The following INPP4B variants were observed in gnomAD, a reference collection of about 807,000 sequenced individuals.
INPP4B encodes the protein inositol polyphosphate 4-phosphatase type II.
In INPP4B, 55 loss-of-function variants were observed where a neutral mutation model predicts 122.5. The observed-to-expected ratio is 0.45, with a 90% confidence interval of 0.36 to 0.56. The LOEUF is 0.56. Ranked by LOEUF, INPP4B falls within the 20% of genes least tolerant of loss-of-function variation. INPP4B has a pLI of 0.00. For missense variants in INPP4B, 1,000 were observed against 1,097.7 expected, an observed-to-expected ratio of 0.91 and a Z score of 1.26; for synonymous variants, 403 against 388.7, an observed-to-expected ratio of 1.04 and a Z score of -0.43.
At chr4:142,335,299 C>G (rs932307715) in intron 7 of INPP4B, among the ~76,000 whole-genome samples, 13 of 152,102 alleles carry the variant, frequency 8.5e-5, no homozygotes, top group African/African-American at 3.1e-4. Flanking sequence ...TTAACTGATT[C>G]CTAATATTTA....
At chr4:142,416,103 T>C (rs1805705626) in intron 5 of INPP4B, among the ~76,000 whole-genome samples, 1 of 152,084 alleles carries the variant, frequency 6.6e-6, no homozygotes, top group African/African-American at 2.4e-5. Flanking sequence ...TGTATACATA[T>C]GTAACTAACC....
intron 2 of INPP4B, among the ~76,000 whole-genome samples, chr4:142,545,704 T>TATATACAC (rs1560781735): frequency 1.1e-3 from 51 of 45,972 alleles, no homozygotes; most frequent in African/African-American, 2.3e-3. Flanking sequence ...TATGTGTATA[T>TATATACAC]ATATGTGTGT....
chr4:142,087,865 G>T (rs770812765), intron 23 of INPP4B, among the ~76,000 whole-genome samples: 1 of 151,714 alleles, frequency 6.6e-6, no homozygotes, highest in Non-Finnish European at 1.5e-5. Context: ...TGGTAAGGTG[G>T]GAATTTCCAT....
chr4:142,499,716 A>G lies in INPP4B; in HGVS notation c.-190-36990T>C, dbSNP rs565245973. Reference sequence around the variant, plus strand: ...CATCCATCAACCCACAGGAGTCATTATTGCTGAAAGATACCAATTACTAAT... The same window carrying G: ...CATCCATCAACCCACAGGAGTCATTGTTGCTGAAAGATACCAATTACTAAT... On this transcript the variant is annotated intron_variant, in intron 2 of 25. Coordinates refer to ENST00000262992, the MANE Select transcript of INPP4B (RefSeq NM_001101669.3). Among the ~76,000 whole-genome samples, 19 of 152,292 alleles carry G rather than the reference A, an allele frequency of 1.2e-4. No individual in the cohort carries two copies. The South Asian group carries it at 3.3e-3, about 27-fold the overall frequency.
chr4:142,249,227 T>G (rs1730690814), intron 11 of INPP4B, among the ~76,000 whole-genome samples: 1 of 152,096 alleles, frequency 6.6e-6, no homozygotes, highest in Non-Finnish European at 1.5e-5. Flanking sequence ...TCACATCTAA[T>G]GCTTGCTGAG....
At chr4:142,535,208 G>C (rs1057508911) in intron 2 of INPP4B, among the ~76,000 whole-genome samples, 4 of 152,160 alleles carry the variant, frequency 2.6e-5, no homozygotes, top group Admixed American at 2.6e-4. Flanking sequence ...TCTTTTGTCT[G>C]ATGTTGTCCC....
chr4:142,109,977 C>G (rs1204405743), intron 22 of INPP4B, among the ~76,000 whole-genome samples: 1 of 152,090 alleles, frequency 6.6e-6, no homozygotes, highest in Non-Finnish European at 1.5e-5. Context: ...AGAGGAGTTT[C>G]CATAGAATCT....
At chr4:142,829,897 T>C (rs560879926) in intron 1 of INPP4B, among the ~76,000 whole-genome samples, 1 of 152,250 alleles carries the variant, frequency 6.6e-6, no homozygotes, top group East Asian at 1.9e-4. Flanking sequence ...TTAAAATCAA[T>C]AATATTTCTA....
At chr4:142,527,805 A>T (rs1356667727) in intron 2 of INPP4B, among the ~76,000 whole-genome samples, 1 of 152,008 alleles carries the variant, frequency 6.6e-6, no homozygotes, top group Non-Finnish European at 1.5e-5. Flanking sequence ...AATTCTTACT[A>T]CATTGACTGT....
chr4:142,197,549 C>T (rs1030786820), intron 14 of INPP4B, among the ~76,000 whole-genome samples: 1 of 152,020 alleles, frequency 6.6e-6, no homozygotes, highest in Non-Finnish European at 1.5e-5. Context: ...GTTACAATTG[C>T]TTTAAGACTC....
At chr4:142,286,360 AAG>A (rs1013978691) in intron 9 of INPP4B, among the ~76,000 whole-genome samples, 2 of 152,200 alleles carry the variant, frequency 1.3e-5, no homozygotes, top group African/African-American at 4.8e-5. Context: ...ATGTAAGAAA[AAG>A]AATATATTTT....
chr4:142,709,481 T>C (rs1201201145), intron 2 of INPP4B, among the ~76,000 whole-genome samples: 2 of 152,174 alleles, frequency 1.3e-5, no homozygotes, highest in African/African-American at 2.4e-5. Flanking sequence ...TGGTGGGATG[T>C]GACTGTATCA....
intron 2 of INPP4B, among the ~76,000 whole-genome samples, chr4:142,551,602 TGTGA>T (rs1727995031): frequency 6.6e-6 from 1 of 152,226 alleles, no homozygotes. Context: ...AAAGGTCTCG[TGTGA>T]GTGTTTCTGT....
chr4:142,514,850 C>G (rs976707357), intron 2 of INPP4B, among the ~76,000 whole-genome samples: 12 of 139,466 alleles, frequency 8.6e-5, no homozygotes, highest in African/African-American at 3.3e-4. Context: ...GGCTGGAATG[C>G]AGTGGCGCGA....
At chr4:142,737,143 T>C (rs1767058729) in intron 1 of INPP4B, among the ~76,000 whole-genome samples, 1 of 152,118 alleles carries the variant, frequency 6.6e-6, no homozygotes, top group Non-Finnish European at 1.5e-5. Flanking sequence ...AAAAAGAGCC[T>C]GCATTGCCAA....
At position 142,653,502 on chromosome 4, in the gene INPP4B, A is replaced by G. The variant is rs191989818; in HGVS notation, c.-191+72337T>C. Among the ~76,000 whole-genome samples, 89 of 152,342 alleles carry G rather than the reference A, an allele frequency of 5.8e-4. 1 individual carries two copies. Among genetic ancestry groups the G allele is most frequent in the African/African-American group, 2.1e-3 (87 of 41,580 alleles). ...GACAAACGGCTAATATCCAGAATCT[A>G]CAAAGAACTCCAACAAATTTACAAG... On this transcript the variant is annotated intron_variant, in intron 2 of 25. Coordinates refer to ENST00000262992, the MANE Select transcript of INPP4B (RefSeq NM_001101669.3).
intron 16 of INPP4B, among the ~76,000 whole-genome samples, chr4:142,172,199 T>G (rs564504340): frequency 5.0e-4 from 76 of 152,058 alleles, no homozygotes; most frequent in Non-Finnish European, 9.4e-4. Flanking sequence ...ATCCATATAT[T>G]AGACGGAGGG....
At chr4:142,793,094 G>T (rs367821301) in intron 1 of INPP4B, among the ~76,000 whole-genome samples, 3 of 151,418 alleles carry the variant, frequency 2.0e-5, no homozygotes, top group African/African-American at 7.3e-5. Context: ...TACAGAATCA[G>T]GGATGGGCCG....
intron 1 of INPP4B, among the ~76,000 whole-genome samples, chr4:142,739,969 G>A (rs374925680): frequency 9.2e-5 from 14 of 152,020 alleles, no homozygotes; most frequent in Non-Finnish European, 2.1e-4. Flanking sequence ...TGATTTAGCC[G>A]AAAGAGGATG....
Sources: allele counts gnomAD v4.1 joint callset (sites outside exome capture counted in the v4.1 genomes callset), GRCh38; gene constraint gnomAD v4.1.1; transcripts MANE v1.5; gene names NCBI Gene and HGNC (gene_info 2026-07-23, HGNC 2026-07-21).